The following PSG7 variants were observed in gnomAD, a reference collection of about 807,000 sequenced individuals.
The protein encoded by PSG7 is pregnancy-specific beta-1-glycoprotein 7.
In PSG7, 57 loss-of-function variants were observed where a neutral mutation model predicts 45.6. The ratio of observed to expected loss-of-function variants is 1.25; its 90% CI spans 1.01 to 1.56. The LOEUF (loss-of-function observed/expected upper bound fraction) is 1.56. PSG7 is among the 40% of genes most tolerant of loss of function. PSG7 has a pLI of 0.00. For missense variants in PSG7, 796 were observed against 508.4 expected (o/e 1.57, Z -5.44); for synonymous variants, 298 against 194.4 (o/e 1.53, Z -4.43).
At chr19:42,928,647 G>A (rs969343172) in intron 3 of PSG7, among the ~76,000 whole-genome samples, 2 of 151,384 alleles carry the variant, frequency 1.3e-5, no homozygotes, top group Non-Finnish European at 2.9e-5. Flanking sequence ...GGCAAAACCT[G>A]GTGGTTTTGG....
rs1568460685 is a variant in PSG7, at chr19:42,935,296, A to T, written c.430+108T>A. 26 of 1,512,058 alleles carry T rather than the reference A, an allele frequency of 1.7e-5. No homozygotes were observed. In the South Asian group the frequency reaches 2.1e-4, roughly 12 times the overall value. The allele number at this position is 1,512,058 out of a possible 1,614,324, so 93.7% of individuals were successfully genotyped here. The stretch of plus-strand genomic sequence containing the variant: ...AAATGCCCAAACCCCAGCATGGGAC[A>T]TAATGCAGAGAGGGACACAGGCACA... On this transcript the variant is annotated intron_variant, in intron 2 of 5. Coordinates refer to ENST00000406070, the MANE Select transcript of PSG7 (RefSeq NM_002783.3).
rs201242604 is a variant in PSG7, at chr19:42,929,511, G to T, written c.640C>A (p.Pro214Thr). The change falls in exon 3 of 6, where the codon CCC (proline) becomes ACC (threonine). Residue 214 changes from proline to threonine, a missense_variant. Pro to Thr is a conservative substitution (Grantham distance 38). Coordinates refer to ENST00000406070, the MANE Select transcript of PSG7 (RefSeq NM_002783.3). ...GGGTTCCGTATTTCACATTCATAGGGTCCTGCAGTATAGTTTGTGACACCA... is the reference window on the plus strand; with the variant it reads ...GGGTTCCGTATTTCACATTCATAGGTTCCTGCAGTATAGTTTGTGACACCA... Reference protein sequence around the residue: ...LFGVTNYTAGPYECEIRNPVS... With the variant: ...LFGVTNYTAGTYECEIRNPVS... The T allele has an allele frequency of 6.0e-4, 973 of 1,612,632 alleles. 28 individuals are homozygous for T. Among genetic ancestry groups the T allele is most frequent in the Non-Finnish European group, 7.6e-4 (898 of 1,179,246 alleles).
intron 4 of PSG7, 174 bp downstream of exon 4, chr19:42,926,264 G>T: frequency 7.0e-7 from 1 of 1,428,548 alleles, no homozygotes; most frequent in Non-Finnish European, 9.4e-7. Context: ...CTTGGTTAAG[G>T]CTGTGCCTAC....
In PSG7 at chr19:42,926,458, G is replaced by C. The variant is rs368339915; in HGVS notation, c.968C>G (p.Pro323Arg). Residue 323 changes from proline (P) to arginine (R), a missense_variant, in exon 4 of 6, where the codon CCA becomes CGA. Pro to Arg is a moderately radical substitution (Grantham distance 103). Transcript: ENST00000406070. ...RDRYGGIRSD[P>R]VTLNVLYGPD... ...CTCACAGAGGACATTCAGGGTGACT[G>C]GGTCACTGCGGATGCCACCATATCG... 3.0e-5 allele frequency: 49 copies of C among 1,611,694 alleles called. 1 individual carries two copies. In the African/African-American group the frequency reaches 6.0e-4, roughly 20 times the overall value.
At chr19:42,926,189 T>A in intron 4 of PSG7, 162 bp from the exon 5 acceptor site, 7 of 1,412,188 alleles carry the variant, frequency 5.0e-6, no homozygotes, top group Non-Finnish European at 6.7e-6. Context: ...TATTCACCTG[T>A]TTCTCCCATC....
At chr19:42,925,043 T>C (rs1441682042) in intron 5 of PSG7, 14 of 564,294 alleles carry the variant, frequency 2.5e-5, no homozygotes, top group Non-Finnish European at 4.4e-5. Context: ...CAATGGACTA[T>C]GTAGGCTCTC....
At chr19:42,934,829 G>T (rs1024718536) in intron 2 of PSG7, among the ~76,000 whole-genome samples, 1 of 151,688 alleles carries the variant, frequency 6.6e-6, no homozygotes, top group East Asian at 1.9e-4. Flanking sequence ...GGTGAAGAAA[G>T]CTCTGTCCTT....
intron 3 of PSG7, among the ~76,000 whole-genome samples, chr19:42,928,643 A>T (rs186723096): frequency 4.0e-5 from 6 of 151,338 alleles, no homozygotes; most frequent in Non-Finnish European, 5.9e-5. Context: ...TACAGGCAAA[A>T]CCTGGTGGTT....
At chr19:42,933,674 T>G (rs1973082914) in intron 2 of PSG7, among the ~76,000 whole-genome samples, 1 of 150,664 alleles carries the variant, frequency 6.6e-6, no homozygotes, top group Non-Finnish European at 1.5e-5. Context: ...AGGACAGGGC[T>G]TGCCAGTCAG....
At chr19:42,927,551 T>A (rs144814705) in intron 3 of PSG7, 18,956 of 151,462 alleles carry the variant, frequency 0.13, 1,683 homozygotes, top group Admixed American at 0.17. Context: ...AACTGACTGG[T>A]GGAAAGTGTG....
In PSG7 at chr19:42,926,133, A is replaced by T. The variant is rs1487087613; in HGVS notation, c.989-106T>A. On this transcript the variant is annotated intron_variant, in intron 4 of 5. Transcript: ENST00000406070. Reference sequence around the variant, plus strand: ...CCCTCTGAGCCGAGACACACCCTCAAGTGACAGCCAAATCCCCTCTATGTT... The same window carrying T: ...CCCTCTGAGCCGAGACACACCCTCATGTGACAGCCAAATCCCCTCTATGTT... 4 of 1,507,566 alleles carry T rather than the reference A, an allele frequency of 2.7e-6. No homozygotes were observed. The South Asian group carries it at 3.9e-5, about 15-fold the overall frequency. 93.4% of individuals were successfully genotyped at this position (1,507,566 alleles called of 1,614,324 possible). A position where few individuals can be genotyped will look rare whatever the true frequency, so the allele number is the denominator to read the frequency against.
rs1331316870 is a variant in PSG7 at position 42,929,598 on chromosome 19, G to T, written c.553C>A (p.Gln185Lys). ...DASYLWWMNG[Q>K]SLPMTHSLQL... ...AAGCTGTGAGTCATAGGGAGGCTCTGACCATTCATCCACCACAGGTAGCTT... is the reference window on the plus strand; with the variant it reads ...AAGCTGTGAGTCATAGGGAGGCTCTTACCATTCATCCACCACAGGTAGCTT... The change falls in exon 3 of 6, where the codon CAG becomes AAG. Residue 185 changes from glutamine to lysine, a missense_variant. Coordinates refer to ENST00000406070, the MANE Select transcript of PSG7 (RefSeq NM_002783.3). The T allele has an allele frequency of 1.2e-6, 2 of 1,612,590 alleles. No homozygotes were observed. The highest frequency in any genetic ancestry group is 1.1e-5 in the South Asian group (1 of 90,840).
At chr19:42,933,291 A>AT (rs1448066448) in intron 2 of PSG7, among the ~76,000 whole-genome samples, 11 of 9,692 alleles carry the variant, frequency 1.1e-3, no homozygotes, top group African/African-American at 3.1e-3. Context: ...ATATATATAT[A>AT]TATATATATA....
In PSG7 at chr19:42,929,640, G is replaced by A. The variant is rs542582953; in HGVS notation, c.511C>T (p.Pro171Ser). 6.2e-7 allele frequency: 1 copy of A among 1,612,544 alleles called. No individual in the cohort carries two copies. The highest frequency in any genetic ancestry group is 1.1e-5 in the South Asian group (1 of 90,834). ...ATEAVILTCD[P>S]ETPDASYLWW... Reference sequence around the variant, plus strand: ...AGGTAGCTTGCATCTGGAGTCTCAGGATCACAGGTTAAAATCACAGCCTCC... The same window carrying A: ...AGGTAGCTTGCATCTGGAGTCTCAGAATCACAGGTTAAAATCACAGCCTCC... The change falls in exon 3 of 6, where the codon CCT becomes TCT. Residue 171 changes from proline to serine, a missense_variant. Transcript: ENST00000406070.
intron 2 of PSG7, among the ~76,000 whole-genome samples, chr19:42,930,433 A>AC (rs376819967): frequency 2.6e-5 from 4 of 151,728 alleles, no homozygotes; most frequent in African/African-American, 9.7e-5. Context: ...TTGGCCCAAG[A>AC]CCATGTTCCC....
At position 42,936,772 on chromosome 19, in the gene PSG7, T is replaced by C. The variant is rs528176544; in HGVS notation, c.64+241A>G. Among the ~76,000 whole-genome samples, 67 of 151,478 alleles carry C rather than the reference T, an allele frequency of 4.4e-4. 2 individuals carry two copies. The highest frequency in any genetic ancestry group is 3.1e-3 in the South Asian group (15 of 4,762). On this transcript the variant is annotated intron_variant, in intron 1 of 5. Coordinates refer to ENST00000406070, the MANE Select transcript of PSG7 (RefSeq NM_002783.3). ...ATGTGATTCTCCTGCCTCAGCCTCCTGAGTAGCTAGGATTACAGGAGCACA... is the reference window on the plus strand; with the variant it reads ...ATGTGATTCTCCTGCCTCAGCCTCCCGAGTAGCTAGGATTACAGGAGCACA...
intron 2 of PSG7, among the ~76,000 whole-genome samples, chr19:42,930,395 TGA>T (rs1428783115): frequency 3.3e-5 from 5 of 151,354 alleles, no homozygotes; most frequent in Admixed American, 3.3e-4. Flanking sequence ...CTACAAAGAG[TGA>T]AGGGGACAGG....
intron 5 of PSG7, chr19:42,925,500 C>A (rs1368382573): frequency 1.6e-4 from 150 of 924,228 alleles, no homozygotes; most frequent in Admixed American, 7.0e-4. Flanking sequence ...AAATAAAAAT[C>A]ATAAAAACAT....
chr19:42,929,477 G>A lies in PSG7; in HGVS notation c.674C>T (p.Ala225Val), dbSNP rs1172625067. ...CAGGGTGACTGGGTCACTGCGGCTGGCACTCACTGGGTTCCGTATTTCACA... is the reference window on the plus strand; with the variant it reads ...CAGGGTGACTGGGTCACTGCGGCTGACACTCACTGGGTTCCGTATTTCACA... ...YECEIRNPVS[A>V]SRSDPVTLNL... The change falls in exon 3 of 6, where the codon GCC becomes GTC. Residue 225 changes from alanine (A) to valine (V), a missense_variant. Coordinates refer to ENST00000406070, the MANE Select transcript of PSG7 (RefSeq NM_002783.3). 1 of 1,612,580 alleles carries A rather than the reference G, an allele frequency of 6.2e-7. No individual in the cohort carries two copies. Among genetic ancestry groups the A allele is most frequent in the Non-Finnish European group, 8.5e-7 (1 of 1,179,182 alleles).
Sources: allele counts gnomAD v4.1 joint callset (sites outside exome capture counted in the v4.1 genomes callset), GRCh38; gene constraint gnomAD v4.1.1; transcripts MANE v1.5; gene names NCBI Gene and HGNC (gene_info 2026-07-23, HGNC 2026-07-21).